Variants in VAV2 observed in about 807,000 individuals in gnomAD.
VAV2 encodes vav guanine nucleotide exchange factor 2, also known as guanine nucleotide exchange factor VAV2.
A neutral mutation model predicts 132.5 loss-of-function variants in VAV2; 67 were observed. The observed-to-expected ratio is 0.51, with a 90% CI of 0.42 to 0.62. VAV2 has a LOEUF of 0.62. Ranked by LOEUF, VAV2 falls within the 20% of genes least tolerant of loss-of-function variation. The pLI, the probability that VAV2 is intolerant of heterozygous loss-of-function variation, is 0.00. For synonymous variants in VAV2, 492 were observed against 443.5 expected (o/e 1.11, Z -1.37); for missense variants, 938 against 1,153.6 (o/e 0.81, Z 2.71).
chr9:133,880,518 T>C (rs1838448796), intron 2 of VAV2, among the ~76,000 whole-genome samples: 1 of 152,098 alleles, frequency 6.6e-6, no homozygotes, highest in Non-Finnish European at 1.5e-5. Flanking sequence ...AGGAATCTTG[T>C]ATATGAAGAA....
intron 1 of VAV2, among the ~76,000 whole-genome samples, chr9:133,989,105 G>A (rs1411535328): frequency 1.3e-5 from 2 of 152,034 alleles, no homozygotes; most frequent in African/African-American, 4.8e-5. Flanking sequence ...TTGGGAGGCC[G>A]AGGTGGGTGG....
intron 2 of VAV2, among the ~76,000 whole-genome samples, chr9:133,931,404 G>GT (rs1554811487): frequency 2.2e-4 from 34 of 152,036 alleles, no homozygotes; most frequent in African/African-American, 8.0e-4. Flanking sequence ...CGCCCAGGGG[G>GT]CCCCCCTCCT....
chr9:133,808,792 G>A (rs1371445581), intron 7 of VAV2, among the ~76,000 whole-genome samples: 1 of 152,214 alleles, frequency 6.6e-6, no homozygotes, highest in African/African-American at 2.4e-5. Flanking sequence ...ATCCCACCCC[G>A]ATTAAGCTCA....
intron 21 of VAV2, 116 bp from the exon 22 acceptor site, chr9:133,779,005 T>C: frequency 7.4e-7 from 1 of 1,360,250 alleles, no homozygotes; most frequent in Non-Finnish European, 1.0e-6. Flanking sequence ...ACACACAGCC[T>C]TGCGCCTGCA....
Position 133,787,226 on chromosome 9 carries a change from C to A in VAV2, c.1422+20G>T. The A allele has an allele frequency of 6.4e-7, 1 of 1,571,260 alleles. No homozygotes were observed. The highest frequency in any genetic ancestry group is 8.7e-7 in the Non-Finnish European group (1 of 1,155,740). On this transcript the variant is annotated intron_variant, in intron 16 of 29. Transcript: ENST00000371850. ...GGGATGATTGAGGCAGGTGGGAGGA[C>A]CTGGGCGCTAGGTGCTTACCATTTT...
At chr9:133,808,241 CG>C (rs1280933246) in intron 7 of VAV2, among the ~76,000 whole-genome samples, 1 of 152,168 alleles carries the variant, frequency 6.6e-6, no homozygotes, top group Non-Finnish European at 1.5e-5. Flanking sequence ...TACAGATGTG[CG>C]TGCAGAAAGG....
rs1838621739 is a variant in VAV2, at chr9:133,884,453, A to G, written c.322-23021T>C. The stretch of plus-strand genomic sequence containing the variant: ...AACGCCCGCCACACTTTGTCAATTA[A>G]TTAGGGAGGGGGGTGCCAGCCTGGG... On this transcript the variant is annotated intron_variant, in intron 2 of 29. Transcript: ENST00000371850. The surrounding 1 kb of genome is among the most constrained non-coding windows in gnomAD (Gnocchi z 5.3). Among the ~76,000 whole-genome samples the G allele has an allele frequency of 6.6e-6, 1 of 152,042 alleles. No individual in the cohort carries two copies. Among genetic ancestry groups the G allele is most frequent in the Non-Finnish European group, 1.5e-5 (1 of 67,990 alleles).
intron 1 of VAV2, among the ~76,000 whole-genome samples, chr9:133,971,108 C>A (rs1354140803): frequency 1.3e-5 from 2 of 152,262 alleles, no homozygotes; most frequent in East Asian, 3.9e-4. Flanking sequence ...GACCGGGAAG[C>A]CCCGGGTTCC....
At chr9:133,910,364 G>C (rs184481233) in intron 2 of VAV2, among the ~76,000 whole-genome samples, 1 of 152,134 alleles carries the variant, frequency 6.6e-6, no homozygotes, top group African/African-American at 2.4e-5. Flanking sequence ...TCTAACTGGC[G>C]CAAGCTGCGA....
At chr9:133,803,703 G>A (rs1835027029) in intron 9 of VAV2, among the ~76,000 whole-genome samples, 1 of 152,136 alleles carries the variant, frequency 6.6e-6, no homozygotes, top group South Asian at 2.1e-4. Context: ...TGCCACACCG[G>A]AATGCTACTC....
In VAV2 at chr9:133,810,214, G is replaced by A. The variant is rs376131004; in HGVS notation, c.553-9C>T. 2.9e-5 allele frequency: 46 copies of A among 1,613,298 alleles called. No individual in the cohort carries two copies. Among genetic ancestry groups the A allele is most frequent in the East Asian group, 4.5e-5 (2 of 44,880 alleles). On this transcript the variant is annotated splice_polypyrimidine_tract_variant and intron_variant, in intron 5 of 29. Coordinates refer to ENST00000371850, the MANE Select transcript of VAV2 (RefSeq NM_001134398.2). ...ACCTGCATGTATCTAATCTGCAAGC[G>A]TGGAGAAAGAACCAGAAACAGCGCC...
At chr9:133,876,173 G>A (rs906216923) in intron 2 of VAV2, among the ~76,000 whole-genome samples, 1 of 152,252 alleles carries the variant, frequency 6.6e-6, no homozygotes, top group Non-Finnish European at 1.5e-5. Context: ...CAGCCCCCAG[G>A]ATCGTGTGAG....
chr9:133,775,116 C>T (rs1187009556), intron 24 of VAV2, 65 bp from the exon 25 acceptor site: 4 of 1,385,492 alleles, frequency 2.9e-6, no homozygotes, highest in African/African-American at 1.4e-5. Flanking sequence ...GGTGCCCAGC[C>T]CTCCGTGCGT....
chr9:133,850,915 C>T (rs556234376), intron 3 of VAV2, among the ~76,000 whole-genome samples: 19 of 152,328 alleles, frequency 1.2e-4, no homozygotes, highest in Admixed American at 9.1e-4. Flanking sequence ...ACTGGCACAC[C>T]TAGGATGTCC....
Position 133,788,897 on chromosome 9 carries a change from C to A in VAV2, c.1274+361G>T, listed in dbSNP as rs989536347. Among the ~76,000 whole-genome samples, 10 of 152,200 alleles carry A rather than the reference C, an allele frequency of 6.6e-5. No individual in the cohort carries two copies. The highest frequency in any genetic ancestry group is 2.2e-4 in the African/African-American group (9 of 41,462). On this transcript the variant is annotated intron_variant, in intron 14 of 29. Transcript: ENST00000371850. The surrounding 1 kb of genome is among the most constrained non-coding windows in gnomAD (Gnocchi z 5.3). ...GTGCACAAGGAGGGCCCTGGACAAG[C>A]CTGGGCCACCGTGCGCCTGGACACT...
intron 4 of VAV2, among the ~76,000 whole-genome samples, chr9:133,812,858 G>A (rs1029783359): frequency 3.3e-5 from 5 of 152,196 alleles, no homozygotes; most frequent in East Asian, 3.9e-4. Flanking sequence ...CTCAGCTCAC[G>A]GGCCACCTCC....
At chr9:133,982,605 G>T (rs112347356) in intron 1 of VAV2, among the ~76,000 whole-genome samples, 3 of 152,088 alleles carry the variant, frequency 2.0e-5, no homozygotes, top group Non-Finnish European at 4.4e-5. Context: ...TCCGGCTGCC[G>T]CCTGGTTTTG....
At chr9:133,911,626 G>A (rs912450920) in intron 2 of VAV2, among the ~76,000 whole-genome samples, 13 of 152,184 alleles carry the variant, frequency 8.5e-5, no homozygotes, top group African/African-American at 3.1e-4. Context: ...TCACTCCTGA[G>A]GCCTAAGTCA....
chr9:133,765,267 G>A (rs1174711670), intron 29 of VAV2, among the ~76,000 whole-genome samples: 1 of 152,178 alleles, frequency 6.6e-6, no homozygotes, highest in East Asian at 1.9e-4. Flanking sequence ...GTATTACCCT[G>A]CAAATTACTT....
Sources: allele counts gnomAD v4.1 joint callset (sites outside exome capture counted in the v4.1 genomes callset), GRCh38; gene constraint gnomAD v4.1.1; non-coding constraint Gnocchi (gnomAD v3.1); transcripts MANE v1.5; gene names NCBI Gene and HGNC (gene_info 2026-07-23, HGNC 2026-07-21).